Variants in HHIPL1 observed in about 807,000 individuals in gnomAD.
HHIPL1 encodes HHIP-like protein 1.
HHIPL1 carries 43 observed loss-of-function variants against 61.8 expected under a neutral mutation model. The observed-to-expected ratio is 0.70, with a 90% confidence interval of 0.55 to 0.90. HHIPL1 has a LOEUF of 0.90. Ranked by LOEUF, HHIPL1 falls within the 40% of genes least tolerant of loss-of-function variation. HHIPL1 has a pLI of 0.00. For synonymous variants in HHIPL1, 482 were observed against 515.8 expected (o/e 0.93, Z 0.89); for missense variants, 1,056 against 1,157.7 (o/e 0.91, Z 1.28).
At chr14:99,619,483 AG>A in the HHIPL1 span, among the ~76,000 whole-genome samples, 1 of 151,108 alleles carries the variant, frequency 6.6e-6, no homozygotes, top group African/African-American at 2.4e-5. Context: ...AAAAAGACTT[AG>A]AGTTTCAATA....
At chr14:99,618,806 C>T in the HHIPL1 span, among the ~76,000 whole-genome samples, 1 of 152,220 alleles carries the variant, frequency 6.6e-6, no homozygotes, top group Non-Finnish European at 1.5e-5. Flanking sequence ...CTTTCAGGGA[C>T]CCAGGTAGGA....
chr14:99,668,271 C>T lies in HHIPL1; in HGVS notation c.1698C>T (p.Arg566=), dbSNP rs199864052. 1.2e-5 allele frequency: 19 copies of T among 1,611,600 alleles called. No homozygotes were observed. The Admixed American group carries it at 1.3e-4, about 11-fold the overall frequency. Residue 566 remains arginine (R), a synonymous_variant, in exon 7 of 9, where the codon CGC becomes CGT. Transcript: ENST00000330710. The surrounding 1 kb of genome is among the most constrained non-coding windows in gnomAD (Gnocchi z 4.7). ...STGEPSATAP[R]GVVYKIIDAS... Reference sequence around the variant, plus strand: ...GGGAGCCGAGTGCCACAGCTCCACGCGGAGTTGTCTACAAAATAATTGACG... The same window carrying T: ...GGGAGCCGAGTGCCACAGCTCCACGTGGAGTTGTCTACAAAATAATTGACG...
In HHIPL1 at chr14:99,668,296, G is replaced by T. The variant is rs762698095; in HGVS notation, c.1723G>T (p.Ala575Ser). ...PRGVVYKIID[A>S]SRRAPPGKCQ... ...CGGAGTTGTCTACAAAATAATTGAC[G>T]CATCCAGGTGAGTCCCAGCCTCCAG... Residue 575 changes from alanine (A) to serine (S), a missense_variant, in exon 7 of 9, where the codon GCA becomes TCA. Ala to Ser is a moderately conservative substitution (Grantham distance 99). Coordinates refer to ENST00000330710, the MANE Select transcript of HHIPL1 (RefSeq NM_001127258.3). The surrounding 1 kb of genome is among the most constrained non-coding windows in gnomAD (Gnocchi z 4.7). 6.2e-7 allele frequency: 1 copy of T among 1,602,682 alleles called. No individual in the cohort carries two copies. The highest frequency in any genetic ancestry group is 1.1e-5 in the South Asian group (1 of 90,866).
intron 5 of HHIPL1, 144 bp from the exon 6 acceptor site, chr14:99,662,732 A>T (rs1595163037): frequency 4.1e-6 from 3 of 732,076 alleles, no homozygotes; most frequent in East Asian, 5.2e-5. Context: ...GGGTGAGTGG[A>T]TATGTAGATG....
At chr14:99,621,039 C>T in the HHIPL1 span, among the ~76,000 whole-genome samples, 1 of 152,240 alleles carries the variant, frequency 6.6e-6, no homozygotes, top group Non-Finnish European at 1.5e-5. Flanking sequence ...AGAGGAAGTG[C>T]TTGCTGTGAG....
rs182375562 is a variant in HHIPL1 at position 99,659,749 on chromosome 14, C to T, written c.1368C>T (p.Thr456=). Reference sequence around the variant, plus strand: ...ACGACCGCAGCCTGTGCGCCAACACCTCTCTCAGTGAGTGCCCGCGCCCCG... The same window carrying T: ...ACGACCGCAGCCTGTGCGCCAACACTTCTCTCAGTGAGTGCCCGCGCCCCG... ...ECYDRSLCAN[T]SLNDLLPIFA... Residue 456 remains threonine (T), a synonymous_variant, in exon 4 of 9, where the codon ACC becomes ACT. Transcript: ENST00000330710. 2,969 of 1,432,072 alleles carry T rather than the reference C, an allele frequency of 2.1e-3. 46 individuals are homozygous for T. The African/African-American group carries it at 0.038, about 18-fold the overall frequency. 88.7% of individuals were successfully genotyped at this position (1,432,072 alleles called of 1,614,324 possible).
At chr14:99,616,038 C>T in the HHIPL1 span, among the ~76,000 whole-genome samples, 1 of 152,218 alleles carries the variant, frequency 6.6e-6, no homozygotes, top group Non-Finnish European at 1.5e-5. Flanking sequence ...CTCAGCTGGC[C>T]ATAATGTTTA....
At chr14:99,612,879 C>T in the HHIPL1 span, among the ~76,000 whole-genome samples, 30 of 152,304 alleles carry the variant, frequency 2.0e-4, no homozygotes, top group South Asian at 4.1e-4. Flanking sequence ...CTGCCCTAGG[C>T]CTGAGGTCTA....
chr14:99,656,786 GA>G (rs57705878), intron 2 of HHIPL1, among the ~76,000 whole-genome samples: 22,940 of 40,808 alleles, frequency 0.56, 5,272 homozygotes, highest in South Asian at 0.66. Flanking sequence ...AAAAAGAAAA[GA>G]AAAGAAAGAA....
chr14:99,626,638 G>A, the HHIPL1 span, among the ~76,000 whole-genome samples: 1 of 152,226 alleles, frequency 6.6e-6, no homozygotes, highest in Non-Finnish European at 1.5e-5. Context: ...CCTGAGAAGG[G>A]CTGGGGTAAT....
intron 1 of HHIPL1, among the ~76,000 whole-genome samples, chr14:99,646,808 ATATGATATG>A (rs1566804743): frequency 1.6e-3 from 158 of 101,376 alleles, no homozygotes; most frequent in East Asian, 5.4e-3. Flanking sequence ...ATATGATATG[ATATGATATG>A]ATATGATATG....
the HHIPL1 span, among the ~76,000 whole-genome samples, chr14:99,611,628 A>C: frequency 8.1e-6 from 1 of 123,428 alleles, no homozygotes; most frequent in East Asian, 2.4e-4. Flanking sequence ...GGTTCTCACT[A>C]TGTTGCCCAG....
At chr14:99,657,827 A>C (rs2056075414) in intron 3 of HHIPL1, among the ~76,000 whole-genome samples, 1 of 151,980 alleles carries the variant, frequency 6.6e-6, no homozygotes, top group Admixed American at 6.6e-5. Flanking sequence ...GCACACACAC[A>C]TTCACATATG....
intron 2 of HHIPL1, among the ~76,000 whole-genome samples, chr14:99,655,300 T>C (rs2056009771): frequency 6.6e-6 from 1 of 152,216 alleles, no homozygotes; most frequent in Non-Finnish European, 1.5e-5. Flanking sequence ...GACCTTTCTG[T>C]ATCTAATTTT....
chr14:99,663,855 G>A (rs2056196594), intron 6 of HHIPL1, among the ~76,000 whole-genome samples: 1 of 152,208 alleles, frequency 6.6e-6, no homozygotes, highest in African/African-American at 2.4e-5. Flanking sequence ...CGGTTAGCCG[G>A]CCAGGAAGGA....
chr14:99,645,680 G>C (rs1242492906), intron 1 of HHIPL1, among the ~76,000 whole-genome samples: 3 of 152,200 alleles, frequency 2.0e-5, no homozygotes, highest in Non-Finnish European at 2.9e-5. Flanking sequence ...GGCCTTCTCG[G>C]GGCCTCAGTT....
chr14:99,605,126 C>A, the HHIPL1 span, among the ~76,000 whole-genome samples: 3 of 152,214 alleles, frequency 2.0e-5, no homozygotes, highest in Non-Finnish European at 2.9e-5. Flanking sequence ...GCTCCACCTC[C>A]GCTCACTCGA....
At chr14:99,634,183 G>T in the HHIPL1 span, among the ~76,000 whole-genome samples, 1 of 152,146 alleles carries the variant, frequency 6.6e-6, no homozygotes, top group Non-Finnish European at 1.5e-5. Context: ...GGGCTTCTGA[G>T]CAGCGAGAGA....
intron 1 of HHIPL1, among the ~76,000 whole-genome samples, chr14:99,649,652 G>A (rs566817164): frequency 2.0e-5 from 3 of 152,130 alleles, no homozygotes; most frequent in Non-Finnish European, 2.9e-5. Flanking sequence ...AAAATTAGCC[G>A]GGTGTGGTAG....
Sources: allele counts gnomAD v4.1 joint callset (sites outside exome capture counted in the v4.1 genomes callset), GRCh38; gene constraint gnomAD v4.1.1; non-coding constraint Gnocchi (gnomAD v3.1); transcripts MANE v1.5; gene names NCBI Gene and HGNC (gene_info 2026-07-23, HGNC 2026-07-21).